Variants in UVRAG observed in about 807,000 individuals in gnomAD.
UVRAG encodes the protein UV radiation resistance-associated gene protein.
A neutral mutation model predicts 78.0 loss-of-function variants in UVRAG; 19 were observed. The observed-to-expected ratio is 0.24, with a 90% CI of 0.17 to 0.36. The LOEUF is 0.36. Ranked by LOEUF, UVRAG falls within the 10% of genes least tolerant of loss-of-function variation. The pLI is 1.00. For synonymous variants in UVRAG, 323 were observed against 324.6 expected, an observed-to-expected ratio of 1.00 and a Z score of 0.05; for missense variants, 740 against 853.8, an observed-to-expected ratio of 0.87 and a Z score of 1.66.
intron 3 of UVRAG, among the ~76,000 whole-genome samples, chr11:75,866,154 G>A (rs931582530): frequency 2.0e-5 from 3 of 151,856 alleles, no homozygotes; most frequent in African/African-American, 4.8e-5. Flanking sequence ...TCTCAGAGGC[G>A]GAGGTTTCAG....
At chr11:75,827,382 G>T (rs1261252619) in intron 1 of UVRAG, among the ~76,000 whole-genome samples, 3 of 152,166 alleles carry the variant, frequency 2.0e-5, no homozygotes, top group Non-Finnish European at 1.5e-5. Flanking sequence ...GGCTGAGGCA[G>T]GTGGATCACC....
Position 76,141,588 on chromosome 11 carries a change from C to A in UVRAG, c.*175C>A. The A allele has an allele frequency of 1.4e-6, 1 of 707,440 alleles. No individual in the cohort carries two copies. Among genetic ancestry groups the A allele is most frequent in the Non-Finnish European group, 2.2e-6 (1 of 447,168 alleles). 43.8% of individuals were successfully genotyped at this position (707,440 alleles called of 1,614,324 possible). A position where few individuals can be genotyped will look rare whatever the true frequency, so the allele number is the denominator to read the frequency against. ...CTCAGGATCATTGTTATCAGTGGGC[C>A]AAAGTTAGATTTTGCTTTCAAGATT... is the stretch of plus-strand genomic sequence containing the variant. On this transcript the variant is annotated 3_prime_UTR_variant, in exon 15 of 15. Transcript: ENST00000356136.
At chr11:76,030,105 G>T (rs1184867242) in intron 12 of UVRAG, among the ~76,000 whole-genome samples, 1 of 151,658 alleles carries the variant, frequency 6.6e-6, no homozygotes, top group Non-Finnish European at 1.5e-5. Flanking sequence ...CATGTTCAAA[G>T]ATATTTTTAA....
chr11:75,843,635 G>A (rs895691696), intron 1 of UVRAG, among the ~76,000 whole-genome samples: 4 of 152,092 alleles, frequency 2.6e-5, no homozygotes, highest in South Asian at 2.1e-4. Context: ...CTAGCCCTAT[G>A]TCCTTCTAGG....
At chr11:75,877,464 A>ACC (rs577523996) in intron 3 of UVRAG, among the ~76,000 whole-genome samples, 1 of 120,704 alleles carries the variant, frequency 8.3e-6, no homozygotes, top group African/African-American at 3.2e-5. Context: ...ACGGGGGGTG[A>ACC]CCCCCCCACC....
chr11:76,089,867 A>T (rs946810770), intron 13 of UVRAG, among the ~76,000 whole-genome samples: 6 of 152,218 alleles, frequency 3.9e-5, no homozygotes, highest in South Asian at 2.1e-4. Flanking sequence ...CTACCTGAGA[A>T]ATAAAAATAA....
At position 75,970,732 on chromosome 11, in the gene UVRAG, C is replaced by CAA. The variant is rs59187207; in HGVS notation, c.699+9202_699+9203dup. Reference sequence around the variant, plus strand: ...TGGGCAACAGAGCGAGACTCCATCTCAAAAAAAAAAAAAAAAAAAATTAGG... The same window carrying CAA: ...TGGGCAACAGAGCGAGACTCCATCTCAAAAAAAAAAAAAAAAAAAAAATTAGG... On this transcript the variant is annotated intron_variant, in intron 7 of 14. Transcript: ENST00000356136. 6.1e-3 allele frequency among the ~76,000 whole-genome samples: 405 copies of CAA among 66,264 alleles called. 4 individuals are homozygous for CAA. Among genetic ancestry groups the CAA allele is most frequent in the African/African-American group, 0.018 (376 of 20,890 alleles). The allele number at this position is 66,264 out of a possible 152,430, so 43.5% of individuals were successfully genotyped here.
At chr11:75,912,173 C>T (rs1302505547) in intron 6 of UVRAG, 134 bp downstream of exon 6, 7 of 641,550 alleles carry the variant, frequency 1.1e-5, no homozygotes, top group South Asian at 2.0e-5. Context: ...GTGCAAGCGT[C>T]ATAAATTTTG....
chr11:75,895,969 A>G (rs1055465867), intron 5 of UVRAG, among the ~76,000 whole-genome samples: 1 of 152,234 alleles, frequency 6.6e-6, no homozygotes, highest in Non-Finnish European at 1.5e-5. Context: ...CATGGATTCA[A>G]AATTTATTTT....
At chr11:76,016,726 A>T in intron 11 of UVRAG, 89 bp from the exon 12 acceptor site, 2 of 1,167,810 alleles carry the variant, frequency 1.7e-6, no homozygotes, top group Non-Finnish European at 2.3e-6. Flanking sequence ...ACATATTTTT[A>T]TAAAATATTC....
At chr11:76,010,010 T>C (rs889618904) in intron 11 of UVRAG, among the ~76,000 whole-genome samples, 1 of 152,216 alleles carries the variant, frequency 6.6e-6, no homozygotes, top group African/African-American at 2.4e-5. Flanking sequence ...AGTGACTTGC[T>C]TGAGGCCACA....
At chr11:75,986,549 A>G (rs1250113604) in intron 8 of UVRAG, among the ~76,000 whole-genome samples, 2 of 152,206 alleles carry the variant, frequency 1.3e-5, no homozygotes, top group African/African-American at 4.8e-5. Context: ...TTACACTAAA[A>G]TTAGTAATGA....
At chr11:76,066,563 C>T (rs1055617258) in intron 13 of UVRAG, among the ~76,000 whole-genome samples, 1 of 152,056 alleles carries the variant, frequency 6.6e-6, no homozygotes, top group African/African-American at 2.4e-5. Flanking sequence ...ACCTCTACCT[C>T]CCGGGTTCAA....
At chr11:76,022,343 A>G (rs1041056168) in intron 12 of UVRAG, among the ~76,000 whole-genome samples, 1 of 152,104 alleles carries the variant, frequency 6.6e-6, no homozygotes, top group African/African-American at 2.4e-5. Context: ...TTCCTTATTG[A>G]TCTTCTGTCT....
intron 12 of UVRAG, among the ~76,000 whole-genome samples, chr11:76,060,367 G>T (rs1951059677): frequency 6.6e-6 from 1 of 152,136 alleles, no homozygotes; most frequent in Non-Finnish European, 1.5e-5. Context: ...AATCTTTCTT[G>T]GTTCCTGAAG....
At chr11:75,881,796 A>G (rs1481760033) in intron 4 of UVRAG, among the ~76,000 whole-genome samples, 1 of 152,228 alleles carries the variant, frequency 6.6e-6, no homozygotes, top group Non-Finnish European at 1.5e-5. Context: ...CCTATTTGCT[A>G]TCATCAGATA....
At chr11:76,140,018 A>C (rs184781203) in intron 14 of UVRAG, among the ~76,000 whole-genome samples, 3 of 144,414 alleles carry the variant, frequency 2.1e-5, no homozygotes, top group African/African-American at 7.7e-5. Context: ...CCCCTCAAAA[A>C]TTTTTTTTAA....
intron 6 of UVRAG, among the ~76,000 whole-genome samples, chr11:75,933,072 A>G (rs919054707): frequency 3.9e-5 from 6 of 152,232 alleles, no homozygotes; most frequent in Non-Finnish European, 8.8e-5. Context: ...CAAAAATAAC[A>G]AAACTTCAGG....
At chr11:76,134,977 A>G (rs1459470178) in intron 14 of UVRAG, among the ~76,000 whole-genome samples, 1 of 152,134 alleles carries the variant, frequency 6.6e-6, no homozygotes, top group Admixed American at 6.5e-5. Flanking sequence ...CCATCAGATC[A>G]GCCATGGTAT....
Sources: allele counts gnomAD v4.1 joint callset (sites outside exome capture counted in the v4.1 genomes callset), GRCh38; gene constraint gnomAD v4.1.1; transcripts MANE v1.5; gene names NCBI Gene and HGNC (gene_info 2026-07-23, HGNC 2026-07-21).